Variants in KIF24 observed in about 807,000 individuals in gnomAD.
KIF24 encodes the protein kinesin-like protein KIF24.
In KIF24, 81 loss-of-function variants were observed where a neutral mutation model predicts 118.9. That is an observed-to-expected ratio of 0.68 (90% CI 0.57 to 0.82). The LOEUF (loss-of-function observed/expected upper bound fraction) is 0.82. Ranked by LOEUF, KIF24 falls within the 40% of genes least tolerant of loss-of-function variation. KIF24 has a pLI of 0.00. For synonymous variants in KIF24, 599 were observed against 610.0 expected (o/e 0.98, Z 0.27); for missense variants, 1,560 against 1,661.6 (o/e 0.94, Z 1.06).
intron 6 of KIF24, among the ~76,000 whole-genome samples, chr9:34,272,903 C>A (rs376952094): frequency 6.6e-6 from 1 of 151,960 alleles, no homozygotes; most frequent in African/African-American, 2.4e-5. Context: ...GGATTATGGG[C>A]ATGAGCCACC....
At position 34,256,133 on chromosome 9, in the gene KIF24, C is replaced by G. The variant is rs149875499; in HGVS notation, c.3474G>C (p.Glu1158Asp). The G allele has an allele frequency of 1.2e-6, 2 of 1,608,502 alleles. No individual in the cohort carries two copies. The highest frequency in any genetic ancestry group is 1.7e-6 in the Non-Finnish European group (2 of 1,175,520). Residue 1158 changes from glutamate (E) to aspartate (D), a missense_variant, in exon 11 of 13, where the codon GAG (glutamate) becomes GAC (aspartate). Glu to Asp is a conservative substitution (Grantham distance 45). Around this residue, in one of 3 missense-constraint regions of KIF24, gnomAD observed 591 missense variants for 655.6 expected, o/e 0.90. Transcript: ENST00000402558. ...TGTGTTCGTGGGAGAAAAGTACAGT[C>G]TCTCTGCTCTGGCAGGCCTCTCCTA... ...ADLGEACQSRETVLFSHEHMG... is the reference protein window; with the variant it reads ...ADLGEACQSRDTVLFSHEHMG...
At chr9:34,328,601 C>G (rs527860193) in intron 1 of KIF24, among the ~76,000 whole-genome samples, 9 of 152,308 alleles carry the variant, frequency 5.9e-5, no homozygotes, top group Non-Finnish European at 8.8e-5. Flanking sequence ...AGAGAGACAA[C>G]AAGGCAGGGC....
At chr9:34,326,947 CA>C (rs111618940) in intron 1 of KIF24, among the ~76,000 whole-genome samples, 2 of 150,368 alleles carry the variant, frequency 1.3e-5, no homozygotes, top group African/African-American at 4.9e-5. Context: ...ACTGAACTGA[CA>C]AAAAAAAATG....
chr9:34,257,667 G>C lies in KIF24; in HGVS notation c.1940C>G (p.Pro647Arg). ...TCCAGAGCGCACAGTTCCTTTCACA[G>C]GGCTAGCATGAATGACCCACTCTTG... ...PSQEWVIHASPVKGTVRSGHV... is the reference protein window; with the variant it reads ...PSQEWVIHASRVKGTVRSGHV... Residue 647 changes from proline (P) to arginine (R), a missense_variant, in exon 11 of 13, where the codon CCT (proline) becomes CGT (arginine). Around this residue, in one of 3 missense-constraint regions of KIF24, gnomAD observed 964 missense variants for 988.0 expected, o/e 0.98. Transcript: ENST00000402558. 1 of 1,614,030 alleles carries C rather than the reference G, an allele frequency of 6.2e-7. No individual in the cohort carries two copies. The highest frequency in any genetic ancestry group is 8.5e-7 in the Non-Finnish European group (1 of 1,179,904).
At chr9:34,278,154 A>G (rs1427797984) in intron 6 of KIF24, among the ~76,000 whole-genome samples, 1 of 152,112 alleles carries the variant, frequency 6.6e-6, no homozygotes, top group African/African-American at 2.4e-5. Flanking sequence ...CACGTCTGTA[A>G]TCCCAGCACT....
At position 34,256,081 on chromosome 9, in the gene KIF24, C is replaced by T. The variant is rs769962626; in HGVS notation, c.3526G>A (p.Ala1176Thr). Residue 1176 changes from alanine (A) to threonine (T), a missense_variant, in exon 11 of 13, where the codon GCA becomes ACA. By Grantham distance (58) the Ala-to-Thr change is moderately conservative (BLOSUM62 0). Transcript: ENST00000402558. ...HMGSEQYDADAEETGLDGSWG... is the reference protein window; with the variant it reads ...HMGSEQYDADTEETGLDGSWG... ...GAGCCATCCAGCCCCGTCTCCTCTGCATCAGCATCATACTGCTCACTACCC... is the reference window on the plus strand; with the variant it reads ...GAGCCATCCAGCCCCGTCTCCTCTGTATCAGCATCATACTGCTCACTACCC... 1.9e-6 allele frequency: 3 copies of T among 1,614,022 alleles called. No individual in the cohort carries two copies. The highest frequency in any genetic ancestry group is 2.5e-6 in the Non-Finnish European group (3 of 1,179,874).
At chr9:34,319,607 T>A (rs964193668) in intron 1 of KIF24, 16 of 914,304 alleles carry the variant, frequency 1.7e-5, no homozygotes, top group Non-Finnish European at 2.9e-5. Context: ...TGCTGTTCAC[T>A]GGGCACCTGG....
intron 3 of KIF24, among the ~76,000 whole-genome samples, chr9:34,299,804 ATGTGTGTGTGTGTG>A (rs750264704): frequency 8.1e-6 from 1 of 123,204 alleles, no homozygotes. Flanking sequence ...GGCTACCAAG[ATGTGTGTGTGTGTG>A]TGTGCGTGTG....
Position 34,306,372 on chromosome 9 carries a change from G to A in KIF24, c.693C>T (p.Arg231=), listed in dbSNP as rs1836918752. 4 of 1,612,686 alleles carry A rather than the reference G, an allele frequency of 2.5e-6. No homozygotes were observed. The East Asian group carries it at 8.9e-5, about 36-fold the overall frequency. The change falls in exon 3 of 13, where the codon CGC becomes CGT. Residue 231 remains arginine (R), a synonymous_variant. Coordinates refer to ENST00000402558, the MANE Select transcript of KIF24 (RefSeq NM_194313.4). ...GACGTACCTCCCTCATGCCCAGGGGGCGTTTTCGAACACAAACTCTGATTT... is the reference window on the plus strand; with the variant it reads ...GACGTACCTCCCTCATGCCCAGGGGACGTTTTCGAACACAAACTCTGATTT... ...MEKIRVCVRK[R]PLGMREVRRG... is the part of the protein sequence containing the mutation.
intron 1 of KIF24, among the ~76,000 whole-genome samples, chr9:34,326,087 T>C (rs1290634967): frequency 6.6e-6 from 1 of 152,252 alleles, no homozygotes; most frequent in Non-Finnish European, 1.5e-5. Flanking sequence ...CCAGGCACAG[T>C]GGCTCATGCC....
At chr9:34,306,847 A>G (rs1044071889) in intron 2 of KIF24, among the ~76,000 whole-genome samples, 6 of 152,102 alleles carry the variant, frequency 3.9e-5, no homozygotes, top group African/African-American at 4.8e-5. Context: ...ATTAGGCATA[A>G]TATATTTCTT....
chr9:34,319,461 A>G, intron 1 of KIF24: 2 of 1,272,694 alleles, frequency 1.6e-6, no homozygotes, highest in Non-Finnish European at 2.3e-6. Context: ...GTTCCACGCC[A>G]CCGCCTTTGA....
chr9:34,305,012 T>C (rs533795143), intron 3 of KIF24, among the ~76,000 whole-genome samples: 1 of 152,310 alleles, frequency 6.6e-6, no homozygotes, highest in South Asian at 2.1e-4. Flanking sequence ...AACTGTGTAC[T>C]CTCAAATCTT....
At position 34,318,770 on chromosome 9, in the gene KIF24, G is replaced by A. The variant is rs1407310763; in HGVS notation, c.-25-7399C>T. ...GCTGCGTTCACTCAGCAACTCCACC[G>A]CGCGCAACGTGACCTGGAAGCTGTG... On this transcript the variant is annotated intron_variant, in intron 1 of 12. Coordinates refer to ENST00000402558, the MANE Select transcript of KIF24 (RefSeq NM_194313.4). This position sits in a 1 kb window ranked among gnomAD's most constrained non-coding sequence, Gnocchi z 4.9. 20 of 1,523,464 alleles carry A rather than the reference G, an allele frequency of 1.3e-5. No individual in the cohort carries two copies. Among genetic ancestry groups the A allele is most frequent in the East Asian group, 6.9e-5 (3 of 43,716 alleles). The allele number at this position is 1,523,464 out of a possible 1,614,324, so 94.4% of individuals were successfully genotyped here. A position where few individuals can be genotyped will look rare whatever the true frequency, so the allele number is the denominator to read the frequency against.
chr9:34,290,597 C>CTT (rs374738317), intron 4 of KIF24, among the ~76,000 whole-genome samples: 5 of 137,654 alleles, frequency 3.6e-5, no homozygotes, highest in East Asian at 2.1e-4. Context: ...ACAAGTTTTC[C>CTT]TTTTTTTTTT....
At chr9:34,291,928 A>G (rs1240004106) in intron 4 of KIF24, among the ~76,000 whole-genome samples, 4 of 152,222 alleles carry the variant, frequency 2.6e-5, no homozygotes, top group Non-Finnish European at 5.9e-5. Flanking sequence ...TAAGATGGCT[A>G]CAAAGATAAA....
intron 2 of KIF24, among the ~76,000 whole-genome samples, chr9:34,308,287 CTTT>C: frequency 7.0e-6 from 1 of 142,258 alleles, no homozygotes; most frequent in Admixed American, 7.1e-5. Flanking sequence ...ATTTTTAATG[CTTT>C]TTTTTTTTTT....
rs957108835 is a variant in KIF24 at position 34,254,073 on chromosome 9, A to G, written c.*307T>C. The G allele has an allele frequency of 4.1e-6, 1 of 245,288 alleles. No homozygotes were observed. The highest frequency in any genetic ancestry group is 7.7e-6 in the Non-Finnish European group (1 of 129,360). 15.2% of individuals were successfully genotyped at this position (245,288 alleles called of 1,614,324 possible). A position where few individuals can be genotyped will look rare whatever the true frequency, so the allele number is the denominator to read the frequency against. ...AGAAACTTCAGGGTTATTAGACCCA[A>G]ATATATTCCCACAGGCAAGGGGTTA... On this transcript the variant is annotated 3_prime_UTR_variant, in exon 13 of 13. Transcript: ENST00000402558.
rs1290415531 is a variant in KIF24, at chr9:34,286,681, T to C, written c.1151A>G (p.Lys384Arg). Residue 384 changes from lysine to arginine, a missense_variant, in exon 6 of 13, where the codon AAG (lysine) becomes AGG (arginine). Lys to Arg is a conservative substitution (Grantham distance 26). Transcript: ENST00000402558. ...RKRLFAREDS[K>R]HMVQIVGLQE... ...CAGTCCCACTATCTGCACCATGTGC[T>C]TGCTATCTTCTCTTGCAAAGAGCCT... 1 of 1,613,462 alleles carries C rather than the reference T, an allele frequency of 6.2e-7. No homozygotes were observed. Among genetic ancestry groups the C allele is most frequent in the Non-Finnish European group, 8.5e-7 (1 of 1,179,480 alleles).
Sources: gnomAD v4.1 joint callset for allele counts (sites outside exome capture counted in the v4.1 genomes callset) on GRCh38, gnomAD v4.1.1 for gene constraint, gnomAD v4.1.1 regional missense constraint, Gnocchi (gnomAD v3.1) non-coding constraint, MANE v1.5 for transcripts, NCBI Gene and HGNC (gene_info 2026-07-23, HGNC 2026-07-21) for gene names.